Variants in HAPLN1 observed in about 807,000 individuals in gnomAD.
HAPLN1 encodes hyaluronan and proteoglycan link protein 1, also known as Cartilage link protein.
A neutral mutation model predicts 36.5 loss-of-function variants in HAPLN1; 13 were observed. The observed-to-expected ratio is 0.36, with a 90% confidence interval of 0.23 to 0.57. The LOEUF is 0.57. Ranked by LOEUF, HAPLN1 falls within the 20% of genes least tolerant of loss-of-function variation. The probability of loss-of-function intolerance (pLI) is 0.83; values close to 1 mark genes in which losing one functional copy is unlikely to be tolerated. For synonymous variants in HAPLN1, 202 were observed against 169.8 expected (o/e 1.19, Z -1.48); for missense variants, 407 against 439.7 (o/e 0.93, Z 0.66).
At chr5:83,676,545 A>C (rs1239892791) in intron 1 of HAPLN1, among the ~76,000 whole-genome samples, 1 of 152,220 alleles carries the variant, frequency 6.6e-6, no homozygotes, top group African/African-American at 2.4e-5. Flanking sequence ...CATTGAGGTC[A>C]AGGGCTGTGC....
At chr5:83,651,521 G>A (rs1025261391) in intron 3 of HAPLN1, among the ~76,000 whole-genome samples, 2 of 152,192 alleles carry the variant, frequency 1.3e-5, no homozygotes, top group African/African-American at 4.8e-5. Flanking sequence ...CAATTTATTA[G>A]ATGTATAAAG....
At chr5:83,711,111 A>T (rs921099052) in intron 1 of HAPLN1, among the ~76,000 whole-genome samples, 1 of 152,102 alleles carries the variant, frequency 6.6e-6, no homozygotes, top group African/African-American at 2.4e-5. Flanking sequence ...AAGGAGATTT[A>T]AAAAAATATT....
At chr5:83,643,991 G>A (rs17284587) in intron 4 of HAPLN1, among the ~76,000 whole-genome samples, 16,240 of 152,232 alleles carry the variant, frequency 0.11, 1,122 homozygotes, top group South Asian at 0.24. Flanking sequence ...GAGAGAGGGA[G>A]AGCATGGGTA....
At chr5:83,685,033 G>A (rs1332441073) in intron 1 of HAPLN1, among the ~76,000 whole-genome samples, 1 of 152,164 alleles carries the variant, frequency 6.6e-6, no homozygotes, top group African/African-American at 2.4e-5. Context: ...TCATTCTTTA[G>A]TAAGGGCAGA....
In HAPLN1 at chr5:83,641,621, C is replaced by G. The variant is rs1016662307; in HGVS notation, c.940G>C (p.Val314Leu). The G allele has an allele frequency of 1.2e-6, 2 of 1,614,146 alleles. No homozygotes were observed. Among genetic ancestry groups the G allele is most frequent in the Non-Finnish European group, 1.7e-6 (2 of 1,180,044 alleles). ...CTTGGCCTAGAGATGGGGTAGCGGACGCTGCCATCCGCCAACCAGCCCGCA... is the reference window on the plus strand; with the variant it reads ...CTTGGCCTAGAGATGGGGTAGCGGAGGCTGCCATCCGCCAACCAGCCCGCA... ...CDAGWLADGSVRYPISRPRRR... is the reference protein window; with the variant it reads ...CDAGWLADGSLRYPISRPRRR... Residue 314 changes from valine (V) to leucine (L), a missense_variant, in exon 5 of 5, where the codon GTC becomes CTC. Coordinates refer to ENST00000274341, the MANE Select transcript of HAPLN1 (RefSeq NM_001884.4).
At chr5:83,716,747 G>A (rs899486480) in intron 1 of HAPLN1, among the ~76,000 whole-genome samples, 1 of 152,160 alleles carries the variant, frequency 6.6e-6, no homozygotes, top group African/African-American at 2.4e-5. Context: ...AACTTTAAAA[G>A]AAGGCTGGGC....
chr5:83,662,204 G>C (rs1750422280), intron 2 of HAPLN1, among the ~76,000 whole-genome samples: 1 of 152,116 alleles, frequency 6.6e-6, no homozygotes, highest in Admixed American at 6.5e-5. Context: ...TGCCCAGCTG[G>C]TTAACCATCT....
intron 2 of HAPLN1, among the ~76,000 whole-genome samples, chr5:83,653,672 T>C (rs1328123092): frequency 6.6e-6 from 1 of 152,258 alleles, no homozygotes; most frequent in Non-Finnish European, 1.5e-5. Flanking sequence ...TTTCCTTTCC[T>C]TGTCCTTTTG....
At chr5:83,716,946 C>G (rs1370392664) in intron 1 of HAPLN1, among the ~76,000 whole-genome samples, 1 of 152,090 alleles carries the variant, frequency 6.6e-6, no homozygotes, top group African/African-American at 2.4e-5. Context: ...GCAGGGGAAT[C>G]GCTTGAACCT....
chr5:83,676,662 C>A (rs1750867392), intron 1 of HAPLN1, among the ~76,000 whole-genome samples: 1 of 152,098 alleles, frequency 6.6e-6, no homozygotes, highest in African/African-American at 2.4e-5. Flanking sequence ...TGTAATCATG[C>A]CTCCTCTTAA....
At chr5:83,691,726 A>C (rs1751279261) in intron 1 of HAPLN1, among the ~76,000 whole-genome samples, 1 of 151,982 alleles carries the variant, frequency 6.6e-6, no homozygotes. Flanking sequence ...CTGGGCTTAC[A>C]AAGAAGCAGG....
intron 2 of HAPLN1, among the ~76,000 whole-genome samples, chr5:83,671,302 A>G (rs995506088): frequency 3.9e-5 from 6 of 152,184 alleles, no homozygotes; most frequent in African/African-American, 1.4e-4. Context: ...TGAATTTTCA[A>G]CTATTTTCCA....
At chr5:83,705,923 A>G (rs1262276788) in intron 1 of HAPLN1, among the ~76,000 whole-genome samples, 1 of 152,010 alleles carries the variant, frequency 6.6e-6, no homozygotes, top group South Asian at 2.1e-4. Flanking sequence ...AATATTAATA[A>G]AAACAACCAT....
At chr5:83,684,543 C>T (rs188725031) in intron 1 of HAPLN1, among the ~76,000 whole-genome samples, 20 of 152,158 alleles carry the variant, frequency 1.3e-4, no homozygotes, top group East Asian at 1.2e-3. Context: ...GAAAGGTGAT[C>T]GTTCAGCTGG....
rs1300625709 is a variant in HAPLN1, at chr5:83,638,131, G to A, written c.*3365C>T. 1.3e-5 allele frequency: 2 copies of A among 151,488 alleles called. No individual in the cohort carries two copies. Among genetic ancestry groups the A allele is most frequent in the African/African-American group, 4.8e-5 (2 of 41,256 alleles). 9.4% of individuals were successfully genotyped at this position (151,488 alleles called of 1,614,324 possible). ...ATTAAATGCCTTTCTTGGAAATAAT[G>A]TATTGACAGAGTTTGACACAAAGAA... On this transcript the variant is annotated 3_prime_UTR_variant, in exon 5 of 5. Coordinates refer to ENST00000274341, the MANE Select transcript of HAPLN1 (RefSeq NM_001884.4).
rs367632476 is a variant in HAPLN1, at chr5:83,656,753, A to G, written c.101-3929T>C. 1.1e-4 allele frequency among the ~76,000 whole-genome samples: 17 copies of G among 152,160 alleles called. 1 individual carries two copies. Among genetic ancestry groups the G allele is most frequent in the Non-Finnish European group, 2.9e-5 (2 of 68,036 alleles). ...GGAAACTGCAGGGCCTGGTGAGAAC[A>G]CTAATGGGGACTCACTGAACCGCTG... On this transcript the variant is annotated intron_variant, in intron 2 of 4. Transcript: ENST00000274341.
At chr5:83,711,539 G>C (rs551528503) in intron 1 of HAPLN1, among the ~76,000 whole-genome samples, 2 of 152,080 alleles carry the variant, frequency 1.3e-5, no homozygotes, top group African/African-American at 4.8e-5. Context: ...AGATGAAAGG[G>C]AATGAATAGG....
At chr5:83,679,513 C>T (rs10064917) in intron 1 of HAPLN1, among the ~76,000 whole-genome samples, 8 of 151,934 alleles carry the variant, frequency 5.3e-5, no homozygotes, top group Non-Finnish European at 1.0e-4. Context: ...CATTCATCAC[C>T]TCCAAATCTT....
intron 1 of HAPLN1, among the ~76,000 whole-genome samples, chr5:83,695,293 T>C (rs1382181829): frequency 1.3e-5 from 2 of 151,776 alleles, no homozygotes; most frequent in Non-Finnish European, 2.9e-5. Context: ...GCCCAGCTAA[T>C]TTTTGTATTT....
Sources: allele counts gnomAD v4.1 joint callset (sites outside exome capture counted in the v4.1 genomes callset), GRCh38; gene constraint gnomAD v4.1.1; transcripts MANE v1.5; gene names NCBI Gene and HGNC (gene_info 2026-07-23, HGNC 2026-07-21).